The following UROS variants were observed in gnomAD, a reference collection of about 807,000 sequenced individuals.
The protein encoded by UROS is uroporphyrinogen-III synthase.
Under a neutral mutation model 33.0 loss-of-function variants are expected in UROS, and 18 were observed. The observed-to-expected ratio is 0.55, with a 90% CI of 0.38 to 0.81. The LOEUF (loss-of-function observed/expected upper bound fraction) is 0.81. Ranked by LOEUF, UROS falls within the 30% of genes least tolerant of loss-of-function variation. The pLI is 0.00. For missense variants in UROS, 293 were observed against 314.9 expected (o/e 0.93, Z 0.53); for synonymous variants, 114 against 121.1 (o/e 0.94, Z 0.38).
At chr10:125,818,613 C>T (rs961274368) in intron 1 of UROS, among the ~76,000 whole-genome samples, 4 of 152,146 alleles carry the variant, frequency 2.6e-5, no homozygotes, top group African/African-American at 9.7e-5. Context: ...GAAGCGTGCA[C>T]AGATAGGTTA....
At chr10:125,807,179 T>C (rs1852406624) in intron 6 of UROS, 5 of 559,240 alleles carry the variant, frequency 8.9e-6, no homozygotes, top group African/African-American at 3.8e-5. Context: ...TTATTTTGTG[T>C]TATGTTCAAG....
intron 1 of UROS, among the ~76,000 whole-genome samples, chr10:125,820,687 A>C (rs1013223222): frequency 6.6e-6 from 1 of 152,194 alleles, no homozygotes; most frequent in Non-Finnish European, 1.5e-5. Flanking sequence ...TGTTAGCCTT[A>C]TTTGCAGGAG....
At chr10:125,791,091 C>CAA (rs146112441) in intron 9 of UROS, among the ~76,000 whole-genome samples, 6 of 130,822 alleles carry the variant, frequency 4.6e-5, no homozygotes, top group Admixed American at 8.1e-5. Flanking sequence ...GACACCATCT[C>CAA]AAAAAAAAAA....
In UROS at chr10:125,803,588, G is replaced by A. The variant is rs150760287; in HGVS notation, c.394+3825C>T. ...GTCCTAATCCAGTGACTGCCTTTTG[G>A]GCCCAATCCTGGCTGTACCTAGTGA... On this transcript the variant is annotated intron_variant, in intron 6 of 9. Coordinates refer to ENST00000368797, the MANE Select transcript of UROS (RefSeq NM_000375.3). Among the ~76,000 whole-genome samples the A allele has an allele frequency of 1.4e-3, 212 of 152,322 alleles. 2 individuals carry two copies. The highest frequency in any genetic ancestry group is 4.9e-3 in the African/African-American group (204 of 41,576).
At chr10:125,786,903 G>A (rs1447985728), downstream of UROS, among the ~76,000 whole-genome samples, 1 of 152,170 alleles carries the variant, frequency 6.6e-6, no homozygotes, top group African/African-American at 2.4e-5. Context: ...TGCCTACTCA[G>A]CCTTCACGTT....
chr10:125,800,680 G>C (rs573778488), intron 6 of UROS, among the ~76,000 whole-genome samples: 59 of 151,572 alleles, frequency 3.9e-4, no homozygotes, highest in African/African-American at 1.4e-3. Context: ...TCCTGCCTCA[G>C]CCTCCTGAGT....
chr10:125,789,947 C>T (rs768913486), intron 9 of UROS, among the ~76,000 whole-genome samples: 7 of 152,218 alleles, frequency 4.6e-5, no homozygotes, highest in Non-Finnish European at 1.5e-5. Flanking sequence ...AGACTGTGGA[C>T]CCCAAACCTG....
chr10:125,795,295 G>A, intron 8 of UROS: 6 of 406,090 alleles, frequency 1.5e-5, no homozygotes, highest in Non-Finnish European at 2.8e-5. Context: ...TGGTCATACG[G>A]CACTGATCAC....
intron 9 of UROS, chr10:125,793,221 T>C (rs1851075441): frequency 6.6e-6 from 1 of 152,070 alleles, no homozygotes; most frequent in African/African-American, 2.4e-5. Context: ...TTAAATATGC[T>C]CACTTTGAAA....
intron 6 of UROS, among the ~76,000 whole-genome samples, chr10:125,798,686 G>T (rs1851565047): frequency 6.6e-6 from 1 of 152,220 alleles, no homozygotes; most frequent in African/African-American, 2.4e-5. Context: ...ACAGCCACTA[G>T]GCCAAGTGCC....
chr10:125,803,471 C>A (rs926183519), intron 6 of UROS, among the ~76,000 whole-genome samples: 12 of 152,198 alleles, frequency 7.9e-5, no homozygotes, highest in Admixed American at 2.0e-4. Flanking sequence ...TCTTAGACTG[C>A]GATGGCTCTG....
intron 9 of UROS, among the ~76,000 whole-genome samples, chr10:125,790,119 G>A (rs1011606636): frequency 8.5e-5 from 13 of 152,140 alleles, no homozygotes; most frequent in Non-Finnish European, 1.3e-4. Flanking sequence ...TCCTTCCTCC[G>A]GCTGAGTCAG....
intron 1 of UROS, among the ~76,000 whole-genome samples, chr10:125,821,139 T>C (rs1321704508): frequency 6.6e-6 from 1 of 152,216 alleles, no homozygotes; most frequent in East Asian, 1.9e-4. Flanking sequence ...CTGCTACATA[T>C]ATACCCCAAA....
chr10:125,812,126 T>A, intron 5 of UROS, 88 bp downstream of exon 5: 1 of 1,320,610 alleles, frequency 7.6e-7, no homozygotes, highest in Non-Finnish European at 1.1e-6. Context: ...AAGCAAAAAA[T>A]AATATTTTTA....
intron 5 of UROS, 51 bp from the exon 6 acceptor site, chr10:125,807,538 TTGTTCCAGCGTTA>T (rs746629811): frequency 6.9e-7 from 1 of 1,443,146 alleles, no homozygotes; most frequent in East Asian, 2.3e-5. Context: ...TGAAGTCCTT[TTGTTCCAGCGTTA>T]TTTTTTAACG....
intron 6 of UROS, among the ~76,000 whole-genome samples, chr10:125,806,416 C>T (rs1208680437): frequency 6.6e-6 from 1 of 152,212 alleles, no homozygotes; most frequent in Admixed American, 6.5e-5. Flanking sequence ...CAGCTGTCAG[C>T]AGTTCATCTG....
At chr10:125,820,673 G>A (rs1277013168) in intron 1 of UROS, among the ~76,000 whole-genome samples, 1 of 152,232 alleles carries the variant, frequency 6.6e-6, no homozygotes, top group African/African-American at 2.4e-5. Flanking sequence ...TGCAAGGTAG[G>A]TGGTGTTAGC....
At chr10:125,811,362 TCTTAA>T (rs1259570721) in intron 5 of UROS, among the ~76,000 whole-genome samples, 3 of 152,210 alleles carry the variant, frequency 2.0e-5, no homozygotes, top group Non-Finnish European at 4.4e-5. Flanking sequence ...ACAAGCAAAT[TCTTAA>T]CTTATTTTTG....
rs144558054 is a variant in UROS at position 125,800,045 on chromosome 10, C to T, written c.395-1900G>A. On this transcript the variant is annotated intron_variant, in intron 6 of 9. Transcript: ENST00000368797. ...AGAAGGCCTGGAATTCTGGGCTGTC[C>T]GGGCTGATGATGAGTAATAACACTG... Among the ~76,000 whole-genome samples, 666 of 152,176 alleles carry T rather than the reference C, an allele frequency of 4.4e-3. 10 individuals carry two copies. The highest frequency in any genetic ancestry group is 0.013 in the African/African-American group (536 of 41,510).
Sources: gnomAD v4.1 joint callset for allele counts (sites outside exome capture counted in the v4.1 genomes callset) on GRCh38, gnomAD v4.1.1 for gene constraint, MANE v1.5 for transcripts, NCBI Gene and HGNC (gene_info 2026-07-23, HGNC 2026-07-21) for gene names.